The following USP12 variants were observed in gnomAD, a reference collection of about 807,000 sequenced individuals.
USP12 encodes the protein ubiquitin specific peptidase 12, also known as ubiquitin carboxyl-terminal hydrolase 12.
In USP12, 19 loss-of-function variants were observed where a neutral mutation model predicts 45.5. The ratio of observed to expected loss-of-function variants is 0.42; its 90% CI spans 0.29 to 0.61. USP12 has a LOEUF of 0.61. Among genes scored for constraint, USP12 ranks in the 20% least tolerant of loss-of-function variants. USP12 has a pLI of 0.22. For synonymous variants in USP12, 149 were observed against 148.8 expected, an observed-to-expected ratio of 1.00 and a Z score of -0.01; for missense variants, 242 against 447.7, an observed-to-expected ratio of 0.54 and a Z score of 4.15.
At chr13:27,165,310 T>C (rs891992513) in intron 1 of USP12, among the ~76,000 whole-genome samples, 2 of 152,098 alleles carry the variant, frequency 1.3e-5, no homozygotes, top group African/African-American at 4.8e-5. Flanking sequence ...ATCCACTCAA[T>C]TTCAAAATAA....
At chr13:27,087,739 GA>G (rs1384795810) in intron 6 of USP12, among the ~76,000 whole-genome samples, 17 of 152,326 alleles carry the variant, frequency 1.1e-4, no homozygotes, top group African/African-American at 3.1e-4. Flanking sequence ...GCTTGAGTCA[GA>G]AAGGAAAGAA....
At chr13:27,075,009 A>G (rs1873412559) in intron 7 of USP12, among the ~76,000 whole-genome samples, 182 bp downstream of exon 7, 2 of 152,206 alleles carry the variant, frequency 1.3e-5, no homozygotes, top group South Asian at 4.1e-4. Context: ...ATATATTTTA[A>G]CATATAAAAT....
intron 1 of USP12, among the ~76,000 whole-genome samples, chr13:27,125,756 T>C (rs1358744854): frequency 6.6e-6 from 1 of 152,194 alleles, no homozygotes; most frequent in East Asian, 1.9e-4. Flanking sequence ...ACTGCCCAAA[T>C]ACTGTGCTTT....
At chr13:27,114,934 G>T (rs1385516205) in intron 2 of USP12, among the ~76,000 whole-genome samples, 2 of 152,178 alleles carry the variant, frequency 1.3e-5, no homozygotes, top group Non-Finnish European at 2.9e-5. Flanking sequence ...GCAGTGAGCT[G>T]TGATGGCACC....
chr13:27,153,164 T>G (rs1877661194), intron 1 of USP12, among the ~76,000 whole-genome samples: 1 of 151,790 alleles, frequency 6.6e-6, no homozygotes, highest in Non-Finnish European at 1.5e-5. Flanking sequence ...AAACCCTGTC[T>G]CTACTAAAAA....
intron 6 of USP12, among the ~76,000 whole-genome samples, chr13:27,078,768 C>T (rs1873610160): frequency 6.6e-6 from 1 of 151,910 alleles, no homozygotes; most frequent in African/African-American, 2.4e-5. Flanking sequence ...AGTGCATAAT[C>T]AGAATTGGAA....
intron 1 of USP12, among the ~76,000 whole-genome samples, chr13:27,154,256 T>C (rs188353329): frequency 3.0e-4 from 45 of 152,264 alleles, no homozygotes; most frequent in Admixed American, 1.5e-3. Flanking sequence ...CATCCTAAAA[T>C]ATATTTTACA....
At chr13:27,147,657 A>G (rs770999509) in intron 1 of USP12, among the ~76,000 whole-genome samples, 4 of 152,316 alleles carry the variant, frequency 2.6e-5, no homozygotes, top group Non-Finnish European at 4.4e-5. Flanking sequence ...AAGAGGATGC[A>G]TCACTTATAA....
At chr13:27,073,845 A>C (rs2137753042) in intron 7 of USP12, among the ~76,000 whole-genome samples, 1 of 152,296 alleles carries the variant, frequency 6.6e-6, no homozygotes, top group African/African-American at 2.4e-5. Flanking sequence ...GCTATGCATA[A>C]CGTTACACTG....
intron 6 of USP12, among the ~76,000 whole-genome samples, chr13:27,087,129 G>A (rs1052994677): frequency 4.7e-4 from 71 of 151,942 alleles, no homozygotes; most frequent in African/African-American, 1.7e-3. Context: ...GTGTGCGTGT[G>A]TGAGAGTGTG....
At chr13:27,142,268 A>G (rs1477862776) in intron 1 of USP12, among the ~76,000 whole-genome samples, 2 of 152,218 alleles carry the variant, frequency 1.3e-5, no homozygotes, top group African/African-American at 4.8e-5. Context: ...GAGGAACGGT[A>G]TACCAAACAA....
At chr13:27,095,899 A>C (rs1471200573) in intron 3 of USP12, 69 bp from the exon 4 acceptor site, 1 of 1,150,874 alleles carries the variant, frequency 8.7e-7, no homozygotes, top group Non-Finnish European at 1.2e-6. Flanking sequence ...CCAATTTATA[A>C]AAGAATATCT....
At chr13:27,113,165 G>A (rs1222681475) in intron 2 of USP12, among the ~76,000 whole-genome samples, 1 of 152,060 alleles carries the variant, frequency 6.6e-6, no homozygotes, top group Non-Finnish European at 1.5e-5. Context: ...AGCCAAGAAG[G>A]TGAAGCTGCA....
At chr13:27,138,034 T>C (rs7997373) in intron 1 of USP12, among the ~76,000 whole-genome samples, 3 of 152,228 alleles carry the variant, frequency 2.0e-5, no homozygotes, top group Admixed American at 6.5e-5. Flanking sequence ...CTAAGTGAGC[T>C]TGAAAGCAGA....
At chr13:27,146,108 A>G (rs1877296072) in intron 1 of USP12, among the ~76,000 whole-genome samples, 1 of 152,172 alleles carries the variant, frequency 6.6e-6, no homozygotes, top group Non-Finnish European at 1.5e-5. Context: ...AAATTTCTTT[A>G]AAAGTACCTA....
intron 4 of USP12, among the ~76,000 whole-genome samples, chr13:27,093,146 C>T (rs1442380625): frequency 1.3e-5 from 2 of 151,614 alleles, no homozygotes; most frequent in Non-Finnish European, 2.9e-5. Context: ...CGGTGAGCCA[C>T]TGCGCTCCAG....
intron 3 of USP12, 66 bp from the exon 4 acceptor site, chr13:27,095,896 A>G (rs1874558333): frequency 6.8e-6 from 8 of 1,170,914 alleles, no homozygotes; most frequent in Non-Finnish European, 9.4e-6. Flanking sequence ...AAACCAATTT[A>G]TAAAAGAATA....
chr13:27,156,423 GAT>G (rs1417773772), intron 1 of USP12, among the ~76,000 whole-genome samples: 1 of 152,306 alleles, frequency 6.6e-6, no homozygotes, highest in East Asian at 1.9e-4. Flanking sequence ...ACATTTAAGA[GAT>G]ATAGTGACGA....
At chr13:27,094,725 G>T (rs73155869) in intron 4 of USP12, among the ~76,000 whole-genome samples, 7,608 of 151,470 alleles carry the variant, frequency 0.05, 245 homozygotes, top group Non-Finnish European at 0.059. Context: ...TTTTAAAAAG[G>T]TGAGGGAGGC....
Sources: allele counts gnomAD v4.1 joint callset (sites outside exome capture counted in the v4.1 genomes callset), GRCh38; gene constraint gnomAD v4.1.1; transcripts MANE v1.5; gene names NCBI Gene and HGNC (gene_info 2026-07-23, HGNC 2026-07-21).